Variants in AASS observed in about 807,000 individuals in gnomAD.
AASS encodes alpha-aminoadipic semialdehyde synthase, mitochondrial.
A neutral mutation model predicts 105.4 loss-of-function variants in AASS; 86 were observed. That is an observed-to-expected ratio of 0.82 (90% CI 0.69 to 0.98). AASS has a LOEUF of 0.98. Ranked by LOEUF, AASS falls within the 50% of genes least tolerant of loss-of-function variation. The pLI is 0.00. For synonymous variants in AASS, 381 were observed against 394.8 expected (o/e 0.96, Z 0.41); for missense variants, 1,048 against 1,143.2 (o/e 0.92, Z 1.20).
chr7:122,113,464 C>A (rs1795025791), intron 10 of AASS, 134 bp downstream of exon 10: 1 of 1,206,144 alleles, frequency 8.3e-7, no homozygotes, highest in Admixed American at 2.0e-5. Flanking sequence ...TTTTTTTCCC[C>A]AAATTTTAGT....
intron 11 of AASS, among the ~76,000 whole-genome samples, chr7:122,112,032 C>T (rs533732148): frequency 1.1e-4 from 17 of 152,304 alleles, no homozygotes; most frequent in African/African-American, 4.1e-4. Context: ...TTGATATCTC[C>T]AGCAAAGCCT....
intron 11 of AASS, among the ~76,000 whole-genome samples, chr7:122,102,145 A>G (rs994868063): frequency 6.6e-6 from 1 of 151,918 alleles, no homozygotes; most frequent in African/African-American, 2.4e-5. Flanking sequence ...TCAGATCAGT[A>G]TCAGTATTAG....
At chr7:122,142,460 C>T (rs1312722209) in intron 1 of AASS, among the ~76,000 whole-genome samples, 1 of 152,080 alleles carries the variant, frequency 6.6e-6, no homozygotes, top group Non-Finnish European at 1.5e-5. Flanking sequence ...ATAATTAGAG[C>T]CCAATAAGCC....
chr7:122,114,815 G>A (rs1473755017), intron 9 of AASS, among the ~76,000 whole-genome samples: 1 of 152,120 alleles, frequency 6.6e-6, no homozygotes, highest in Non-Finnish European at 1.5e-5. Flanking sequence ...GCCAAGGCAG[G>A]AGGTCTGCTT....
intron 8 of AASS, 70 bp downstream of exon 8, chr7:122,116,563 C>A (rs893597181): frequency 5.0e-6 from 8 of 1,594,536 alleles, no homozygotes; most frequent in African/African-American, 4.0e-5. Context: ...TTCATAATTT[C>A]TCTCCTTGAA....
intron 3 of AASS, among the ~76,000 whole-genome samples, chr7:122,128,017 A>C (rs376200932): frequency 6.6e-6 from 1 of 152,180 alleles, no homozygotes; most frequent in Non-Finnish European, 1.5e-5. Context: ...GCATCATGTC[A>C]TTCCATGACA....
chr7:122,112,476 T>C (rs942983181), intron 11 of AASS, among the ~76,000 whole-genome samples: 1 of 152,182 alleles, frequency 6.6e-6, no homozygotes, highest in Admixed American at 6.5e-5. Flanking sequence ...TAAGAGCTTA[T>C]GAGGGAAGAT....
intron 1 of AASS, among the ~76,000 whole-genome samples, chr7:122,134,699 T>C (rs1415194453): frequency 6.6e-6 from 1 of 152,154 alleles, no homozygotes; most frequent in Non-Finnish European, 1.5e-5. Flanking sequence ...AGTTCAACCA[T>C]TGTGGAAGAC....
intron 18 of AASS, among the ~76,000 whole-genome samples, chr7:122,088,814 C>A (rs568358934): frequency 6.6e-6 from 1 of 151,958 alleles, no homozygotes; most frequent in Non-Finnish European, 1.5e-5. Flanking sequence ...CAAAGCTCTG[C>A]CATATCACTC....
intron 11 of AASS, among the ~76,000 whole-genome samples, chr7:122,108,278 A>G (rs1414128902): frequency 6.6e-6 from 1 of 152,112 alleles, no homozygotes; most frequent in African/African-American, 2.4e-5. Context: ...TTCTCAAACT[A>G]TTCCAGAATA....
intron 2 of AASS, among the ~76,000 whole-genome samples, chr7:122,131,561 C>T (rs1475105931): frequency 6.6e-6 from 1 of 151,752 alleles, no homozygotes; most frequent in Non-Finnish European, 1.5e-5. Context: ...TTTTCCTGGA[C>T]ATTAATTTTT....
At chr7:122,135,180 G>A (rs1183171308) in intron 1 of AASS, among the ~76,000 whole-genome samples, 4 of 151,446 alleles carry the variant, frequency 2.6e-5, no homozygotes, top group Non-Finnish European at 4.4e-5. Context: ...TGTAAATGAC[G>A]AGTTAACGGG....
intron 11 of AASS, among the ~76,000 whole-genome samples, chr7:122,111,107 A>G (rs1584863831): frequency 6.6e-6 from 1 of 152,174 alleles, no homozygotes; most frequent in African/African-American, 2.4e-5. Context: ...AAAGGAAAAG[A>G]CAATCAATAA....
chr7:122,081,620 A>G, intron 19 of AASS, 25 bp from the exon 20 acceptor site: 1 of 1,545,752 alleles, frequency 6.5e-7, no homozygotes, highest in Non-Finnish European at 8.9e-7. Context: ...AATAAGCAGT[A>G]TATAAAATTT....
chr7:122,114,751 G>A (rs1795089043), intron 9 of AASS, among the ~76,000 whole-genome samples: 2 of 152,136 alleles, frequency 1.3e-5, no homozygotes, highest in Non-Finnish European at 2.9e-5. Flanking sequence ...GTTTCAAGAA[G>A]TGGAGGTGGG....
chr7:122,126,292 C>T (rs958251262), intron 4 of AASS, 83 bp downstream of exon 4: 6 of 1,181,588 alleles, frequency 5.1e-6, no homozygotes, highest in Middle Eastern at 1.9e-4. Flanking sequence ...CACTCCTATC[C>T]CCTTGCCGCA....
rs1196680222 is a variant in AASS, at chr7:122,134,843, T to C, written c.-15-1102A>G. ...TGCACATGTATATTTATTGTGGCAC[T>C]ATTCACAATAGCAAAGACTTGGAAC... On this transcript the variant is annotated intron_variant, in intron 1 of 23. Transcript: ENST00000417368. Among the ~76,000 whole-genome samples the C allele has an allele frequency of 5.3e-5, 8 of 152,320 alleles. No homozygotes were observed. The East Asian group carries it at 1.5e-3, about 29-fold the overall frequency.
chr7:122,086,829 GA>G (rs1361591674), intron 18 of AASS, among the ~76,000 whole-genome samples: 1 of 152,094 alleles, frequency 6.6e-6, no homozygotes, highest in Admixed American at 6.5e-5. Context: ...ATTGTGAAGG[GA>G]ATAACATGAG....
rs1156249911 is a variant in AASS at position 122,113,596 on chromosome 7, A to T, written c.1166+2T>A. On this transcript the variant is annotated splice_donor_variant, in intron 10 of 23. Coordinates refer to ENST00000417368, the MANE Select transcript of AASS (RefSeq NM_005763.4). LOFTEE classifies it high-confidence loss of function. The stretch of plus-strand genomic sequence containing the variant: ...ATCATCTAACAACTTTAGCAAACTC[A>T]CCTGTCATGAATAATATGCTGGTCT... 6.2e-7 allele frequency: 1 copy of T among 1,613,382 alleles called. No individual in the cohort carries two copies. Among genetic ancestry groups the T allele is most frequent in the African/African-American group, 1.3e-5 (1 of 75,000 alleles).
Sources: gnomAD v4.1 joint callset for allele counts (sites outside exome capture counted in the v4.1 genomes callset) on GRCh38, gnomAD v4.1.1 for gene constraint, MANE v1.5 for transcripts, NCBI Gene and HGNC (gene_info 2026-07-23, HGNC 2026-07-21) for gene names.